The following DNAH9 variants were observed in gnomAD, a reference collection of about 807,000 sequenced individuals.
DNAH9 encodes the protein DNAH9 variant protein.
A neutral mutation model predicts 471.6 loss-of-function variants in DNAH9; 345 were observed. The observed-to-expected ratio is 0.73, with a 90% CI of 0.67 to 0.80. The LOEUF is 0.80. DNAH9 is among the 30% of genes least tolerant of loss of function. The pLI, the probability that DNAH9 is intolerant of heterozygous loss-of-function variation, is 0.00. For missense variants in DNAH9, 5,407 were observed against 5,609.2 expected, an observed-to-expected ratio of 0.96 and a Z score of 1.15; for synonymous variants, 2,093 against 2,123.6, an observed-to-expected ratio of 0.99 and a Z score of 0.40.
rs371297861 is a variant in DNAH9, at chr17:11,744,821, G to A, written c.6136G>A (p.Ala2046Thr). 11 of 1,613,698 alleles carry A rather than the reference G, an allele frequency of 6.8e-6. No individual in the cohort carries two copies. The highest frequency in any genetic ancestry group is 9.3e-6 in the Non-Finnish European group (11 of 1,179,686). The change falls in exon 31 of 69, where the codon GCC becomes ACC. Residue 2046 changes from alanine (A) to threonine (T), a missense_variant. By Grantham distance (58) the Ala-to-Thr change is moderately conservative. This residue lies in a region of DNAH9 where 4,636 missense variants were observed against 4,900.3 expected (regional missense o/e 0.95). Coordinates refer to ENST00000262442, the MANE Select transcript of DNAH9 (RefSeq NM_001372.4). Reference sequence around the variant, plus strand: ...GGATCACTACGACTGGGGCCTACGGGCCATCAAGTCCGTGCTGGTGGTGGC... The same window carrying A: ...GGATCACTACGACTGGGGCCTACGGACCATCAAGTCCGTGCTGGTGGTGGC... ...KQDHYDWGLR[A>T]IKSVLVVAGS...
chr17:11,704,162 G>A (rs1250907915), intron 24 of DNAH9, 41 bp from the exon 25 acceptor site: 1 of 1,610,908 alleles, frequency 6.2e-7, no homozygotes, highest in Non-Finnish European at 8.5e-7. Context: ...GTTGGAAACA[G>A]CCATGATAAC....
intron 14 of DNAH9, among the ~76,000 whole-genome samples, chr17:11,658,622 T>G (rs1257083043): frequency 6.6e-6 from 1 of 152,174 alleles, no homozygotes; most frequent in Non-Finnish European, 1.5e-5. Context: ...CATTAAATTT[T>G]TAGCTGTAGG....
At chr17:11,855,065 C>T (rs1971574843) in intron 50 of DNAH9, among the ~76,000 whole-genome samples, 1 of 151,856 alleles carries the variant, frequency 6.6e-6, no homozygotes. Flanking sequence ...GATCAGAATT[C>T]ATTTTTTTTT....
chr17:11,799,911 C>T (rs1449568493), intron 43 of DNAH9, among the ~76,000 whole-genome samples: 1 of 152,070 alleles, frequency 6.6e-6, no homozygotes, highest in Non-Finnish European at 1.5e-5. Flanking sequence ...TCTACCCGTG[C>T]CCCTAAGCAG....
chr17:11,703,020 G>A (rs1266949737), intron 24 of DNAH9, among the ~76,000 whole-genome samples: 1 of 151,598 alleles, frequency 6.6e-6, no homozygotes, highest in Non-Finnish European at 1.5e-5. Context: ...GTGAACCCGG[G>A]AGGCGGAGCT....
intron 28 of DNAH9, among the ~76,000 whole-genome samples, chr17:11,728,595 G>T (rs1354997217): frequency 6.6e-6 from 1 of 151,472 alleles, no homozygotes; most frequent in Non-Finnish European, 1.5e-5. Context: ...TTCTAGAGGT[G>T]ACTTAAATTC....
chr17:11,808,410 T>C (rs1341085185), intron 44 of DNAH9, among the ~76,000 whole-genome samples: 1 of 152,168 alleles, frequency 6.6e-6, no homozygotes, highest in Non-Finnish European at 1.5e-5. Context: ...CAGTCCGCTT[T>C]GTTTTATCCA....
intron 6 of DNAH9, among the ~76,000 whole-genome samples, chr17:11,625,091 CA>C (rs2072945784): frequency 6.6e-6 from 1 of 152,102 alleles, no homozygotes; most frequent in African/African-American, 2.4e-5. Context: ...CACACACACA[CA>C]CACACCGAGT....
At position 11,689,609 on chromosome 17, in the gene DNAH9, A is replaced by G. The variant is rs767602931; in HGVS notation, c.3787A>G (p.Ile1263Val). 2 of 1,614,078 alleles carry G rather than the reference A, an allele frequency of 1.2e-6. No homozygotes were observed. Among genetic ancestry groups the G allele is most frequent in the South Asian group, 1.1e-5 (1 of 91,080 alleles). Residue 1263 changes from isoleucine to valine, a missense_variant, in exon 20 of 69, where the codon ATC becomes GTC. By Grantham distance (29) the Ile-to-Val change is conservative (BLOSUM62 3). This residue lies in a region of DNAH9 where 4,636 missense variants were observed against 4,900.3 expected (regional missense o/e 0.95). Coordinates refer to ENST00000262442, the MANE Select transcript of DNAH9 (RefSeq NM_001372.4). ...TCATCAAATGCTGGATGCCAGGCAC[A>G]TCGAGATCCAGCAGATGGAATCCAC... is the stretch of plus-strand genomic sequence containing the variant. ...HPHQMLDARHIEIQQMESTMA... is the reference protein window; with the variant it reads ...HPHQMLDARHVEIQQMESTMA...
intron 36 of DNAH9, among the ~76,000 whole-genome samples, chr17:11,767,180 A>C (rs946876947): frequency 1.3e-5 from 2 of 152,124 alleles, no homozygotes; most frequent in Admixed American, 1.3e-4. Context: ...CTGAGGAAAC[A>C]AGACCCACCC....
intron 49 of DNAH9, among the ~76,000 whole-genome samples, chr17:11,851,890 G>A (rs1228997242): frequency 6.6e-6 from 1 of 152,132 alleles, no homozygotes; most frequent in African/African-American, 2.4e-5. Context: ...AACATCGACC[G>A]TGATATATCT....
rs867668925 is a variant in DNAH9 at position 11,711,925 on chromosome 17, T to C, written c.5552+6740T>C. Among the ~76,000 whole-genome samples the C allele has an allele frequency of 5.6e-3, 272 of 48,824 alleles. 62 individuals carry two copies. The highest frequency in any genetic ancestry group is 0.011 in the African/African-American group (101 of 8,894). 32.0% of individuals were successfully genotyped at this position (48,824 alleles called of 152,430 possible). On this transcript the variant is annotated intron_variant, in intron 26 of 68. Transcript: ENST00000262442. The stretch of plus-strand genomic sequence containing the variant: ...ATATATTTGTATATATATTTATATA[T>C]AAATATATATATTTGTATATATATT...
At chr17:11,748,171 AAAAAAATC>A (rs1966977247) in intron 32 of DNAH9, among the ~76,000 whole-genome samples, 2 of 148,088 alleles carry the variant, frequency 1.4e-5, no homozygotes, top group South Asian at 4.3e-4. Flanking sequence ...AAAAAAAAAA[AAAAAAATC>A]AGCTGGGCGT....
At position 11,626,168 on chromosome 17, in the gene DNAH9, G is replaced by A. The variant is rs1175051651; in HGVS notation, c.1351-3249G>A. On this transcript the variant is annotated intron_variant, in intron 6 of 68. Transcript: ENST00000262442. This position sits in a 1 kb window ranked among gnomAD's most constrained non-coding sequence, Gnocchi z 4.3. Reference sequence around the variant, plus strand: ...GTCTCTGAAGTGGATATTTCAGCCGGTGTATAACATGATGAATTTCGTGTT... The same window carrying A: ...GTCTCTGAAGTGGATATTTCAGCCGATGTATAACATGATGAATTTCGTGTT... Among the ~76,000 whole-genome samples the A allele has an allele frequency of 6.6e-6, 1 of 152,046 alleles. No individual in the cohort carries two copies. The highest frequency in any genetic ancestry group is 1.5e-5 in the Non-Finnish European group (1 of 68,004).
intron 9 of DNAH9, among the ~76,000 whole-genome samples, chr17:11,639,851 A>AATTAG (rs1291286673): frequency 6.6e-6 from 1 of 152,102 alleles, no homozygotes; most frequent in Non-Finnish European, 1.5e-5. Context: ...CAAATACGAA[A>AATTAG]ATTAGCCACG....
At chr17:11,735,248 G>A (rs995985600) in intron 28 of DNAH9, among the ~76,000 whole-genome samples, 7 of 152,074 alleles carry the variant, frequency 4.6e-5, no homozygotes, top group African/African-American at 1.7e-4. Context: ...CATTGTGGAT[G>A]TTGAGCAGCA....
At position 11,757,698 on chromosome 17, in the gene DNAH9, C is replaced by T. The variant is rs1967458563; in HGVS notation, c.6995+6C>T. The T allele has an allele frequency of 6.2e-7, 1 of 1,613,218 alleles. No individual in the cohort carries two copies. Among genetic ancestry groups the T allele is most frequent in the African/African-American group, 1.3e-5 (1 of 74,860 alleles). On this transcript the variant is annotated splice_donor_region_variant and intron_variant, in intron 35 of 68. Coordinates refer to ENST00000262442, the MANE Select transcript of DNAH9 (RefSeq NM_001372.4). ...CTAGACACACTCAGAACCAGGTAGG[C>T]CAAGAAACAAGGAAGATAGAGAGTT... is the stretch of plus-strand genomic sequence containing the variant.
intron 67 of DNAH9, among the ~76,000 whole-genome samples, chr17:11,951,328 G>A (rs1975353699): frequency 6.6e-6 from 1 of 152,096 alleles, no homozygotes; most frequent in Non-Finnish European, 1.5e-5. Context: ...ACCACAGGTT[G>A]GCAAGCAAGT....
chr17:11,807,315 A>G (rs1476770563), intron 43 of DNAH9, among the ~76,000 whole-genome samples: 1 of 152,074 alleles, frequency 6.6e-6, no homozygotes, highest in East Asian at 1.9e-4. Flanking sequence ...GCCTTTCCTG[A>G]ATTTTTTAAA....
Sources: allele counts gnomAD v4.1 joint callset (sites outside exome capture counted in the v4.1 genomes callset), GRCh38; gene constraint gnomAD v4.1.1; regional missense constraint gnomAD v4.1.1; non-coding constraint Gnocchi (gnomAD v3.1); transcripts MANE v1.5; gene names NCBI Gene and HGNC (gene_info 2026-07-23, HGNC 2026-07-21).